The following RNF220 variants were observed in gnomAD, a reference collection of about 807,000 sequenced individuals.
RNF220 encodes the protein ring finger protein 220.
A neutral mutation model predicts 67.1 loss-of-function variants in RNF220; 7 were observed. The observed-to-expected ratio is 0.10, with a 90% CI of 0.06 to 0.20. RNF220 has a LOEUF of 0.20. Ranked by LOEUF, RNF220 falls within the 10% of genes least tolerant of loss-of-function variation. The pLI is 1.00. For synonymous variants in RNF220, 270 were observed against 283.2 expected (o/e 0.95, Z 0.47); for missense variants, 565 against 740.3 (o/e 0.76, Z 2.75).
intron 2 of RNF220, among the ~76,000 whole-genome samples, chr1:44,542,585 G>A (rs1189882497): frequency 6.6e-6 from 1 of 152,184 alleles, no homozygotes; most frequent in African/African-American, 2.4e-5. Flanking sequence ...AGGGTTCCAG[G>A]AAGAGAGGAT....
At chr1:44,638,419 AGT>A (rs1424742130) in intron 8 of RNF220, 1 of 152,268 alleles carries the variant, frequency 6.6e-6, no homozygotes, top group Admixed American at 6.5e-5. Context: ...TGAGCAGGCG[AGT>A]GGCGAGGCCC....
At chr1:44,443,120 T>C (rs76651037) in intron 2 of RNF220, among the ~76,000 whole-genome samples, 3,929 of 152,332 alleles carry the variant, frequency 0.026, 159 homozygotes, top group African/African-American at 0.088. Context: ...TTCACTCATG[T>C]GTATCTGGCT....
At chr1:44,415,704 G>A (rs994081785) in intron 2 of RNF220, among the ~76,000 whole-genome samples, 1 of 152,116 alleles carries the variant, frequency 6.6e-6, no homozygotes, top group African/African-American at 2.4e-5. Flanking sequence ...GTTGGTGGGT[G>A]GGGGTGGGAG....
At chr1:44,483,686 G>A (rs1009763524) in intron 2 of RNF220, among the ~76,000 whole-genome samples, 4 of 152,176 alleles carry the variant, frequency 2.6e-5, no homozygotes, top group African/African-American at 9.7e-5. Context: ...ACATAGCGGT[G>A]GCAGGCTAGA....
intron 2 of RNF220, among the ~76,000 whole-genome samples, chr1:44,592,984 G>C (rs563556542): frequency 6.6e-6 from 1 of 152,312 alleles, no homozygotes; most frequent in East Asian, 1.9e-4. Context: ...CTTGAGGAGA[G>C]AGGAAGGAGT....
intron 2 of RNF220, among the ~76,000 whole-genome samples, chr1:44,455,069 G>A (rs777521953): frequency 6.6e-6 from 1 of 152,188 alleles, no homozygotes; most frequent in Non-Finnish European, 1.5e-5. Context: ...GAGCAGAATT[G>A]CTGGGTTAAA....
intron 2 of RNF220, among the ~76,000 whole-genome samples, chr1:44,476,735 T>C (rs1655335724): frequency 6.6e-6 from 1 of 152,210 alleles, no homozygotes; most frequent in Admixed American, 6.5e-5. Flanking sequence ...AGAGATAGCC[T>C]TGGGCTTCAG....
At chr1:44,632,416 C>CACCCCCGGCCTCCTCCCT in intron 6 of RNF220, 31 bp downstream of exon 6, 1 of 1,583,062 alleles carries the variant, frequency 6.3e-7, no homozygotes, top group Non-Finnish European at 8.6e-7. Context: ...CCCTCCGCCC[C>CACCCCCGGCCTCCTCCCT]ACCCCCGGCC....
At chr1:44,603,974 C>T (rs763819661) in intron 2 of RNF220, among the ~76,000 whole-genome samples, 2 of 152,246 alleles carry the variant, frequency 1.3e-5, no homozygotes. Flanking sequence ...GAGGTTCCCA[C>T]TTCATTTTTA....
chr1:44,412,645 G>T lies in RNF220; in HGVS notation c.548G>T (p.Gly183Val). The change falls in exon 2 of 15, where the codon GGG becomes GTG. Residue 183 changes from glycine (G) to valine (V), a missense_variant. Physicochemically the swap from Gly to Val is moderately radical, Grantham distance 109 (BLOSUM62 -3). Coordinates refer to ENST00000361799, the MANE Select transcript of RNF220 (RefSeq NM_018150.4). This position sits in a 1 kb window ranked among gnomAD's most constrained non-coding sequence, Gnocchi z 5.3. ...SPGSLKVDDTGKKIFAVSGLI... is the reference protein window; with the variant it reads ...SPGSLKVDDTVKKIFAVSGLI... The stretch of plus-strand genomic sequence containing the variant: ...GGTTCACTAAAGGTTGATGACACTG[G>T]GAAGAAGATTTTTGCTGTCTCTGGC... The T allele has an allele frequency of 6.2e-7, 1 of 1,614,146 alleles. No individual in the cohort carries two copies. The highest frequency in any genetic ancestry group is 8.5e-7 in the Non-Finnish European group (1 of 1,180,012).
chr1:44,585,229 C>T (rs1039347889), intron 2 of RNF220, among the ~76,000 whole-genome samples: 5 of 152,208 alleles, frequency 3.3e-5, no homozygotes, highest in Admixed American at 1.3e-4. Flanking sequence ...ACTAATGTCC[C>T]TCACTAGCAG....
intron 2 of RNF220, among the ~76,000 whole-genome samples, chr1:44,595,236 G>A (rs1208362510): frequency 6.6e-6 from 1 of 152,212 alleles, no homozygotes; most frequent in East Asian, 1.9e-4. Flanking sequence ...AGGGGTGGGA[G>A]GCCAAAGGGC....
At chr1:44,515,581 G>A (rs1486035926) in intron 2 of RNF220, among the ~76,000 whole-genome samples, 2 of 152,190 alleles carry the variant, frequency 1.3e-5, no homozygotes, top group Non-Finnish European at 2.9e-5. Context: ...ATCATGCTGA[G>A]TCAAAGCTCT....
intron 2 of RNF220, among the ~76,000 whole-genome samples, chr1:44,563,125 T>C (rs555456154): frequency 6.6e-6 from 1 of 152,344 alleles, no homozygotes; most frequent in African/African-American, 2.4e-5. Context: ...AGCTGGGGAA[T>C]ATTTCTCCAA....
At position 44,607,637 on chromosome 1, in the gene RNF220, G is replaced by A. The variant is rs1032562257; in HGVS notation, c.626-6528G>A. ...CGAGTAGCTGGGACTACAGGCGCCC[G>A]CCACCACGCCCAGCTAATTTTTTTT... On this transcript the variant is annotated intron_variant, in intron 2 of 14. Transcript: ENST00000361799. Among the ~76,000 whole-genome samples, 28 of 152,006 alleles carry A rather than the reference G, an allele frequency of 1.8e-4. 1 individual carries two copies. The highest frequency in any genetic ancestry group is 5.8e-4 in the East Asian group (3 of 5,154).
intron 3 of RNF220, among the ~76,000 whole-genome samples, chr1:44,616,670 T>A (rs977273995): frequency 6.7e-6 from 1 of 150,182 alleles, no homozygotes; most frequent in Admixed American, 6.7e-5. Flanking sequence ...TGCAGCTGGG[T>A]TCCATATTTT....
intron 2 of RNF220, among the ~76,000 whole-genome samples, chr1:44,469,435 C>T (rs1654594472): frequency 1.4e-5 from 1 of 73,956 alleles, no homozygotes; most frequent in African/African-American, 4.6e-5. Flanking sequence ...ACCTAGAAAG[C>T]ACAAATCTCA....
chr1:44,456,358 C>T (rs142742164), intron 2 of RNF220, among the ~76,000 whole-genome samples: 1 of 152,294 alleles, frequency 6.6e-6, no homozygotes, highest in African/African-American at 2.4e-5. Flanking sequence ...TTTCACATTA[C>T]ATTAACTATG....
chr1:44,541,396 C>T (rs1186950823), intron 2 of RNF220, among the ~76,000 whole-genome samples: 1 of 152,160 alleles, frequency 6.6e-6, no homozygotes, highest in Non-Finnish European at 1.5e-5. Context: ...CCACTGCACC[C>T]CAGTCTGGGT....
Sources: allele counts gnomAD v4.1 joint callset (sites outside exome capture counted in the v4.1 genomes callset), GRCh38; gene constraint gnomAD v4.1.1; non-coding constraint Gnocchi (gnomAD v3.1); transcripts MANE v1.5; gene names NCBI Gene and HGNC (gene_info 2026-07-23, HGNC 2026-07-21).